Variants in SLC8A1 observed in about 807,000 individuals in gnomAD.
The protein encoded by SLC8A1 is solute carrier family 8 member A1.
Under a neutral mutation model 68.3 loss-of-function variants are expected in SLC8A1, and 18 were observed. That is an observed-to-expected ratio of 0.26 (90% confidence interval 0.18 to 0.39). The LOEUF (loss-of-function observed/expected upper bound fraction) is 0.39, where lower values mean the gene tolerates loss of function less well. Ranked by LOEUF, SLC8A1 falls within the 10% of genes least tolerant of loss-of-function variation. SLC8A1 has a pLI of 1.00. For synonymous variants in SLC8A1, 475 were observed against 415.5 expected, an observed-to-expected ratio of 1.14 and a Z score of -1.74; for missense variants, 985 against 1,156.7, an observed-to-expected ratio of 0.85 and a Z score of 2.15.
chr2:40,368,802 C>A (rs1174836002), intron 2 of SLC8A1, among the ~76,000 whole-genome samples: 5 of 152,048 alleles, frequency 3.3e-5, no homozygotes, highest in African/African-American at 1.2e-4. Flanking sequence ...TACAGGGTGA[C>A]AGTAACCAAA....
chr2:40,117,399 A>G (rs1177155730), intron 7 of SLC8A1, among the ~76,000 whole-genome samples: 108 of 145,632 alleles, frequency 7.4e-4, no homozygotes, highest in African/African-American at 2.3e-3. Context: ...ATACAAAAAA[A>G]AAAAAAAAAA....
At chr2:40,285,698 G>T (rs1162543746) in intron 2 of SLC8A1, among the ~76,000 whole-genome samples, 1 of 152,092 alleles carries the variant, frequency 6.6e-6, no homozygotes, top group Admixed American at 6.6e-5. Flanking sequence ...GCTCATATAA[G>T]GTAGGGAAAC....
chr2:40,343,122 A>G (rs1668227883), intron 2 of SLC8A1, among the ~76,000 whole-genome samples: 1 of 152,146 alleles, frequency 6.6e-6, no homozygotes, highest in South Asian at 2.1e-4. Context: ...CAAAAGATAT[A>G]TGATTCAATG....
intron 2 of SLC8A1, among the ~76,000 whole-genome samples, chr2:40,252,851 T>C (rs1414769305): frequency 8.7e-6 from 1 of 115,088 alleles, no homozygotes; most frequent in African/African-American, 3.8e-5. Flanking sequence ...CATATATGTA[T>C]ATATACACAT....
At chr2:40,474,461 C>A (rs1352580408) in intron 1 of SLC8A1, among the ~76,000 whole-genome samples, 1 of 152,120 alleles carries the variant, frequency 6.6e-6, no homozygotes, top group Non-Finnish European at 1.5e-5. Flanking sequence ...ATTTTTTTGA[C>A]ACCTCACTAC....
chr2:40,174,753 T>G (rs2048172586), intron 4 of SLC8A1, 33 bp from the exon 6 acceptor site: 1 of 1,573,838 alleles, frequency 6.4e-7, no homozygotes, highest in African/African-American at 1.4e-5. Flanking sequence ...TGAGAAATTT[T>G]TTTTAATGTA....
chr2:40,266,974 T>A (rs1392904887), intron 2 of SLC8A1, among the ~76,000 whole-genome samples: 1 of 152,136 alleles, frequency 6.6e-6, no homozygotes, highest in Non-Finnish European at 1.5e-5. Flanking sequence ...GATGTACAGG[T>A]AAATGAGGGG....
At chr2:40,503,311 G>C (rs201766443) in intron 1 of SLC8A1, among the ~76,000 whole-genome samples, 1 of 151,754 alleles carries the variant, frequency 6.6e-6, no homozygotes, top group Non-Finnish European at 1.5e-5. Flanking sequence ...AGTTCTCACC[G>C]AGCTGCTTTG....
chr2:40,105,792 C>T (rs1029141984), exon 8 of SLC8A1: 10 of 152,190 alleles, frequency 6.6e-5, no homozygotes, highest in East Asian at 1.9e-4. Context: ...AAACCGTATC[C>T]GACAAGGGGC....
chr2:40,200,760 A>T (rs1051112305), intron 2 of SLC8A1, among the ~76,000 whole-genome samples: 46 of 151,764 alleles, frequency 3.0e-4, no homozygotes, highest in African/African-American at 1.1e-3. Flanking sequence ...AGAAGAAGGA[A>T]TTTTTTTCTT....
chr2:40,124,835 T>C (rs1370153609), intron 7 of SLC8A1, among the ~76,000 whole-genome samples: 1 of 152,224 alleles, frequency 6.6e-6, no homozygotes, highest in Non-Finnish European at 1.5e-5. Flanking sequence ...AAAACATTCA[T>C]GACACACTGC....
intron 2 of SLC8A1, among the ~76,000 whole-genome samples, chr2:40,351,850 C>T (rs1671203448): frequency 6.6e-6 from 1 of 152,108 alleles, no homozygotes; most frequent in Admixed American, 6.6e-5. Flanking sequence ...CTCCCCATGA[C>T]CTAGACTAAT....
chr2:40,228,664 G>A (rs1330913998), intron 2 of SLC8A1, among the ~76,000 whole-genome samples: 2 of 152,182 alleles, frequency 1.3e-5, no homozygotes, highest in East Asian at 1.9e-4. Context: ...AAAGGTTTGG[G>A]TGGCAGGGAG....
At chr2:40,373,694 G>A (rs1462616915) in intron 2 of SLC8A1, among the ~76,000 whole-genome samples, 2 of 152,008 alleles carry the variant, frequency 1.3e-5, no homozygotes, top group East Asian at 1.9e-4. Context: ...AGTTGGATCC[G>A]AGGCTCAGAA....
At chr2:40,116,346 G>A (rs1030872657) in intron 7 of SLC8A1, among the ~76,000 whole-genome samples, 1 of 152,034 alleles carries the variant, frequency 6.6e-6, no homozygotes, top group South Asian at 2.1e-4. Flanking sequence ...AAGTTTTAGG[G>A]TACATGTGCA....
chr2:40,197,356 CA>C (rs1348313675), intron 2 of SLC8A1, among the ~76,000 whole-genome samples: 1 of 151,970 alleles, frequency 6.6e-6, no homozygotes, highest in Non-Finnish European at 1.5e-5. Flanking sequence ...TTTTATGGTG[CA>C]GTGTCTACGG....
At chr2:40,276,236 C>G (rs1352508270) in intron 2 of SLC8A1, among the ~76,000 whole-genome samples, 1 of 152,140 alleles carries the variant, frequency 6.6e-6, no homozygotes, top group Non-Finnish European at 1.5e-5. Context: ...GAAGACAAGA[C>G]AGAGGACCTT....
At chr2:40,235,381 T>G (rs2060224470) in intron 2 of SLC8A1, among the ~76,000 whole-genome samples, 1 of 151,752 alleles carries the variant, frequency 6.6e-6, no homozygotes, top group Admixed American at 6.6e-5. Context: ...TCTAGTTTAT[T>G]TGTGTAGAGG....
At chr2:40,350,743 C>T (rs937627867) in intron 2 of SLC8A1, among the ~76,000 whole-genome samples, 1 of 151,504 alleles carries the variant, frequency 6.6e-6, no homozygotes, top group East Asian at 2.0e-4. Flanking sequence ...AGCACAAAAA[C>T]TGCCTGGCAC....
Sources: allele counts gnomAD v4.1 joint callset (sites outside exome capture counted in the v4.1 genomes callset), GRCh38; gene constraint gnomAD v4.1.1; transcripts MANE v1.5; gene names NCBI Gene and HGNC (gene_info 2026-07-23, HGNC 2026-07-21).